The following ARFGEF1 variants were observed in gnomAD, a reference collection of about 807,000 sequenced individuals.
ARFGEF1 encodes the protein ARF guanine nucleotide exchange factor 1.
ARFGEF1 carries 42 observed loss-of-function variants against 231.0 expected under a neutral mutation model. The ratio of observed to expected loss-of-function variants is 0.18; its 90% CI spans 0.14 to 0.24. The LOEUF is 0.24. Among genes scored for constraint, ARFGEF1 ranks in the 10% least tolerant of loss-of-function variants. ARFGEF1 has a pLI of 1.00. For synonymous variants in ARFGEF1, 710 were observed against 732.3 expected (o/e 0.97, Z 0.49); for missense variants, 1,345 against 2,192.0 (o/e 0.61, Z 7.72).
chr8:67,310,421 T>A lies in ARFGEF1; in HGVS notation c.125-7955A>T, dbSNP rs552867685. Among the ~76,000 whole-genome samples the A allele has an allele frequency of 4.9e-4, 74 of 152,278 alleles. 3 individuals are homozygous for A. In the South Asian group the frequency reaches 0.015, roughly 31 times the overall value. On this transcript the variant is annotated intron_variant, in intron 1 of 38. Coordinates refer to ENST00000262215, the MANE Select transcript of ARFGEF1 (RefSeq NM_006421.5). ...GTGCTCAATAGTGCCCAGGCTGGAG[T>A]GCAGTGGCGTGATCTCGGCTCGCTA...
At chr8:67,183,113 C>T (rs1833457240) in intron 5 of ARFGEF1, among the ~76,000 whole-genome samples, 1 of 152,172 alleles carries the variant, frequency 6.6e-6, no homozygotes, top group Admixed American at 6.5e-5. Context: ...AGGTTTAGCT[C>T]TTAATGTTTA....
intron 2 of ARFGEF1, 136 bp from the exon 3 acceptor site, chr8:67,301,516 GA>G (rs1452546541): frequency 4.2e-6 from 4 of 949,500 alleles, no homozygotes; most frequent in Non-Finnish European, 6.0e-6. Context: ...ATTTCGAGAG[GA>G]AACCCAAGCC....
chr8:67,299,172 G>C lies in ARFGEF1; in HGVS notation c.459+37C>G, dbSNP rs755866182. The stretch of plus-strand genomic sequence containing the variant: ...AAGGCATCTGAATTTTGAAGATACA[G>C]ATTATTAATAACAATTTTACTTTAT... On this transcript the variant is annotated intron_variant, in intron 4 of 38. Transcript: ENST00000262215. 247 of 1,477,316 alleles carry C rather than the reference G, an allele frequency of 1.7e-4. 2 individuals are homozygous for C. In the Middle Eastern group the frequency reaches 5.5e-3, roughly 33 times the overall value. 91.5% of individuals were successfully genotyped at this position (1,477,316 alleles called of 1,614,324 possible). A position where few individuals can be genotyped will look rare whatever the true frequency, so the allele number is the denominator to read the frequency against.
intron 1 of ARFGEF1, among the ~76,000 whole-genome samples, chr8:67,319,853 C>A (rs530550455): frequency 6.6e-6 from 1 of 151,874 alleles, no homozygotes; most frequent in South Asian, 2.1e-4. Flanking sequence ...AGTAAAAAAA[C>A]AACGAAATTT....
At chr8:67,212,482 G>C (rs765545302) in intron 33 of ARFGEF1, among the ~76,000 whole-genome samples, 8 of 152,226 alleles carry the variant, frequency 5.3e-5, no homozygotes, top group Non-Finnish European at 1.2e-4. Context: ...TTTCCTTGCA[G>C]GTTGTTAAGA....
chr8:67,244,320 T>TG (rs1840036686), intron 19 of ARFGEF1, among the ~76,000 whole-genome samples: 1 of 138,642 alleles, frequency 7.2e-6, no homozygotes, highest in Non-Finnish European at 1.6e-5. Flanking sequence ...GTTGTTGTTT[T>TG]TTTTTTTTTT....
chr8:67,311,827 C>T (rs1807082937), intron 1 of ARFGEF1, among the ~76,000 whole-genome samples: 1 of 152,162 alleles, frequency 6.6e-6, no homozygotes, highest in African/African-American at 2.4e-5. Context: ...ATTGAGAAAT[C>T]GGATGGTTGC....
Position 67,238,354 on chromosome 8 carries a change from C to T in ARFGEF1, c.3278G>A (p.Gly1093Asp). 1 of 1,606,856 alleles carries T rather than the reference C, an allele frequency of 6.2e-7. No homozygotes were observed. Among genetic ancestry groups the T allele is most frequent in the African/African-American group, 1.3e-5 (1 of 74,592 alleles). ...GTAAAAATTCTCACCTAGCCCTAAACCCACAAATTCATCAGGAGCCTGATC... is the reference window on the plus strand; with the variant it reads ...GTAAAAATTCTCACCTAGCCCTAAATCCACAAATTCATCAGGAGCCTGATC... ...TKDQAPDEFV[G>D]LGLVGGNVDW... The change falls in exon 22 of 39, where the codon GGT (glycine) becomes GAT (aspartate). Residue 1093 changes from glycine (G) to aspartate (D), a missense_variant. Coordinates refer to ENST00000262215, the MANE Select transcript of ARFGEF1 (RefSeq NM_006421.5).
At chr8:67,281,250 T>G (rs1175314968) in intron 7 of ARFGEF1, among the ~76,000 whole-genome samples, 2 of 152,110 alleles carry the variant, frequency 1.3e-5, no homozygotes, top group Non-Finnish European at 2.9e-5. Context: ...TCAACATCTG[T>G]ATAGTGTGAG....
downstream of ARFGEF1, among the ~76,000 whole-genome samples, chr8:67,194,783 T>G (rs944757857): frequency 1.3e-5 from 2 of 151,884 alleles, no homozygotes; most frequent in African/African-American, 4.8e-5. Context: ...CAGATAGAAG[T>G]TGCGTACAAT....
At chr8:67,177,647 TTTTAA>T in intron 5 of ARFGEF1, 1 of 1,525,346 alleles carries the variant, frequency 6.6e-7, no homozygotes, top group Non-Finnish European at 9.1e-7. Context: ...TTTTCTGACC[TTTTAA>T]TTTGCTTTTG....
chr8:67,303,715 TAAA>T (rs879264401), intron 1 of ARFGEF1, among the ~76,000 whole-genome samples: 42 of 142,926 alleles, frequency 2.9e-4, no homozygotes, highest in Non-Finnish European at 5.5e-4. Context: ...CTCCATCTCT[TAAA>T]AAAAAAAAAA....
intron 1 of ARFGEF1, among the ~76,000 whole-genome samples, chr8:67,335,532 T>C (rs1386049922): frequency 1.3e-5 from 2 of 152,152 alleles, no homozygotes; most frequent in Admixed American, 6.5e-5. Context: ...GTAAAAGCCA[T>C]AGAGATTCTC....
At chr8:67,175,291 A>G (rs1177500253), downstream of ARFGEF1, 3 of 1,601,076 alleles carry the variant, frequency 1.9e-6, no homozygotes, top group South Asian at 2.2e-5. Context: ...TATTTTTTAT[A>G]CCAGATTCAG....
At chr8:67,262,958 T>G (rs567462319) in intron 14 of ARFGEF1, among the ~76,000 whole-genome samples, 19 of 152,318 alleles carry the variant, frequency 1.2e-4, no homozygotes, top group East Asian at 3.9e-4. Flanking sequence ...GGTATGGAAC[T>G]GAACCCACAA....
intron 5 of ARFGEF1, among the ~76,000 whole-genome samples, chr8:67,192,598 C>G (rs1836680420): frequency 6.6e-6 from 1 of 152,076 alleles, no homozygotes; most frequent in South Asian, 2.1e-4. Context: ...ATTAAGAAAC[C>G]ATTGCCAACC....
chr8:67,238,926 T>C (rs374156007), intron 20 of ARFGEF1, 33 bp from the exon 21 acceptor site: 3 of 1,580,856 alleles, frequency 1.9e-6, no homozygotes, highest in Non-Finnish European at 2.6e-6. Context: ...TTTACACAGT[T>C]CTAAATAGAG....
At chr8:67,335,534 G>C (rs769915587) in intron 1 of ARFGEF1, among the ~76,000 whole-genome samples, 1 of 152,148 alleles carries the variant, frequency 6.6e-6, no homozygotes, top group Admixed American at 6.6e-5. Context: ...AAAAGCCATA[G>C]AGATTCTCTT....
chr8:67,195,040 C>CAGTT (rs1389488726), downstream of ARFGEF1, among the ~76,000 whole-genome samples: 2 of 152,136 alleles, frequency 1.3e-5, no homozygotes, highest in Non-Finnish European at 2.9e-5. Context: ...CCTGAGGTAA[C>CAGTT]AGTTACAAAA....
Sources: allele counts gnomAD v4.1 joint callset (sites outside exome capture counted in the v4.1 genomes callset), GRCh38; gene constraint gnomAD v4.1.1; transcripts MANE v1.5; gene names NCBI Gene and HGNC (gene_info 2026-07-23, HGNC 2026-07-21).